Variants in CADM1 observed in about 807,000 individuals in gnomAD.
CADM1 encodes the protein cell adhesion molecule 1.
Under a neutral mutation model 53.1 loss-of-function variants are expected in CADM1, and 15 were observed. The observed-to-expected ratio is 0.28, with a 90% CI of 0.19 to 0.44. The LOEUF (loss-of-function observed/expected upper bound fraction) is 0.44, where lower values mean the gene tolerates loss of function less well. CADM1 is among the 20% of genes least tolerant of loss of function. The pLI, the probability that CADM1 is intolerant of heterozygous loss-of-function variation, is 1.00. For synonymous variants in CADM1, 281 were observed against 243.0 expected (o/e 1.16, Z -1.45); for missense variants, 434 against 611.3 (o/e 0.71, Z 3.06).
intron 1 of CADM1, among the ~76,000 whole-genome samples, chr11:115,447,459 C>CA (rs1948475705): frequency 6.6e-6 from 1 of 152,194 alleles, no homozygotes; most frequent in African/African-American, 2.4e-5. Context: ...CTCTCAGCTT[C>CA]AAAATCACCC....
intron 1 of CADM1, among the ~76,000 whole-genome samples, chr11:115,423,495 A>G (rs1412898803): frequency 2.6e-5 from 4 of 152,216 alleles, no homozygotes; most frequent in Non-Finnish European, 5.9e-5. Flanking sequence ...CATAATTTAC[A>G]TTAATACATT....
intron 1 of CADM1, among the ~76,000 whole-genome samples, chr11:115,331,736 A>C (rs1591715841): frequency 6.6e-6 from 1 of 152,144 alleles, no homozygotes; most frequent in Admixed American, 6.6e-5. Flanking sequence ...TAAGGAAAAA[A>C]AATGGGTACA....
chr11:115,262,392 C>T (rs1943002410), intron 1 of CADM1, among the ~76,000 whole-genome samples: 3 of 152,182 alleles, frequency 2.0e-5, no homozygotes, highest in African/African-American at 7.2e-5. Context: ...ACTGAACACA[C>T]TTTAAATGAA....
At chr11:115,486,166 T>C (rs1399696205) in intron 1 of CADM1, among the ~76,000 whole-genome samples, 2 of 152,174 alleles carry the variant, frequency 1.3e-5, no homozygotes, top group Non-Finnish European at 2.9e-5. Context: ...GCTTGAACTA[T>C]TATACTCCTA....
intron 1 of CADM1, among the ~76,000 whole-genome samples, chr11:115,281,191 G>A (rs1943574387): frequency 6.6e-6 from 1 of 152,204 alleles, no homozygotes; most frequent in Admixed American, 6.5e-5. Flanking sequence ...ATGGGTCCTG[G>A]AAGATGCCTG....
At chr11:115,453,400 CAAGAA>C (rs1268768565) in intron 1 of CADM1, among the ~76,000 whole-genome samples, 4 of 147,122 alleles carry the variant, frequency 2.7e-5, no homozygotes, top group Non-Finnish European at 6.0e-5. Context: ...AAAAAAAAAA[CAAGAA>C]AAGAAAAGAA....
At chr11:115,334,602 G>T (rs752875735) in intron 1 of CADM1, among the ~76,000 whole-genome samples, 7 of 151,980 alleles carry the variant, frequency 4.6e-5, no homozygotes, top group Non-Finnish European at 7.4e-5. Flanking sequence ...TTTATCATAG[G>T]TATGTATGTA....
chr11:115,453,435 G>A (rs1948619393), intron 1 of CADM1, among the ~76,000 whole-genome samples: 1 of 151,916 alleles, frequency 6.6e-6, no homozygotes, highest in Non-Finnish European at 1.5e-5. Flanking sequence ...CTTATCACGG[G>A]CTATGTGCCT....
At chr11:115,222,640 G>A (rs951706553) in intron 5 of CADM1, among the ~76,000 whole-genome samples, 10 of 152,160 alleles carry the variant, frequency 6.6e-5, no homozygotes, top group African/African-American at 2.4e-4. Context: ...AGGGCTGAAC[G>A]ATTGTGAGTG....
At chr11:115,380,913 A>C (rs1315694909) in intron 1 of CADM1, among the ~76,000 whole-genome samples, 2 of 152,204 alleles carry the variant, frequency 1.3e-5, no homozygotes, top group Non-Finnish European at 2.9e-5. Flanking sequence ...ATATTTGTCT[A>C]AACTCTTAAT....
At position 115,235,966 on chromosome 11, in the gene CADM1, A is replaced by G. The variant is rs140963836; in HGVS notation, c.424+2534T>C. On this transcript the variant is annotated intron_variant, in intron 3 of 11. Coordinates refer to ENST00000331581, the MANE Select transcript of CADM1 (RefSeq NM_001301043.2). Reference sequence around the variant, plus strand: ...GAATGAATATCCTTAAAGGCAACAAATGCATACAAAATATCATAGGAGAGT... The same window carrying G: ...GAATGAATATCCTTAAAGGCAACAAGTGCATACAAAATATCATAGGAGAGT... 7.2e-5 allele frequency among the ~76,000 whole-genome samples: 11 copies of G among 152,300 alleles called. No homozygotes were observed. In the East Asian group the frequency reaches 2.1e-3, roughly 29 times the overall value.
chr11:115,226,090 C>A (rs747481474), intron 5 of CADM1, among the ~76,000 whole-genome samples: 1 of 151,472 alleles, frequency 6.6e-6, no homozygotes, highest in Non-Finnish European at 1.5e-5. Context: ...TGTTTCTCAC[C>A]GAGAACATAA....
At chr11:115,417,947 T>TA (rs1338785818) in intron 1 of CADM1, among the ~76,000 whole-genome samples, 1 of 152,180 alleles carries the variant, frequency 6.6e-6, no homozygotes, top group Admixed American at 6.5e-5. Context: ...CTTATTATAT[T>TA]ATAGTGTGGA....
At chr11:115,489,611 C>T (rs1205597553) in intron 1 of CADM1, among the ~76,000 whole-genome samples, 3 of 152,068 alleles carry the variant, frequency 2.0e-5, no homozygotes, top group Admixed American at 1.3e-4. Context: ...AATATGCCTA[C>T]GTGGAAGGTA....
At chr11:115,386,396 A>G (rs756505304) in intron 1 of CADM1, among the ~76,000 whole-genome samples, 12 of 152,230 alleles carry the variant, frequency 7.9e-5, no homozygotes, top group Non-Finnish European at 1.2e-4. Context: ...GTCTTAGTCT[A>G]TTTTCTGTTG....
Position 115,331,833 on chromosome 11 carries a change from G to A in CADM1, c.125-91413C>T, listed in dbSNP as rs377254273. On this transcript the variant is annotated intron_variant, in intron 1 of 11. Coordinates refer to ENST00000331581, the MANE Select transcript of CADM1 (RefSeq NM_001301043.2). ...TGACACACATACAAATATTCACATA[G>A]GCAGAGCTAGTTGAGATGTAACTAA... 2.6e-5 allele frequency among the ~76,000 whole-genome samples: 4 copies of A among 152,070 alleles called. No homozygotes were observed. The East Asian group carries it at 5.8e-4, about 22-fold the overall frequency.
chr11:115,257,231 C>T (rs1398409991), intron 1 of CADM1, among the ~76,000 whole-genome samples: 1 of 151,880 alleles, frequency 6.6e-6, no homozygotes, highest in Non-Finnish European at 1.5e-5. Flanking sequence ...TTTAGATTTG[C>T]CAATTTTTGA....
intron 1 of CADM1, among the ~76,000 whole-genome samples, chr11:115,465,447 A>G (rs1366621226): frequency 6.6e-6 from 1 of 152,194 alleles, no homozygotes; most frequent in Admixed American, 6.5e-5. Context: ...ATGTCTTGGC[A>G]TATGACACCC....
At chr11:115,324,157 A>T (rs547839465) in intron 1 of CADM1, among the ~76,000 whole-genome samples, 9 of 152,306 alleles carry the variant, frequency 5.9e-5, no homozygotes, top group African/African-American at 1.9e-4. Flanking sequence ...TCAGTGATAT[A>T]GTTATGAGAT....
Sources: allele counts gnomAD v4.1 joint callset (sites outside exome capture counted in the v4.1 genomes callset), GRCh38; gene constraint gnomAD v4.1.1; transcripts MANE v1.5; gene names NCBI Gene and HGNC (gene_info 2026-07-23, HGNC 2026-07-21).